Variants in SLC44A5 observed in about 807,000 individuals in gnomAD.
SLC44A5 encodes solute carrier family 44 member 5, also known as choline transporter-like protein 5.
SLC44A5 carries 57 observed loss-of-function variants against 101.8 expected under a neutral mutation model. The ratio of observed to expected loss-of-function variants is 0.56; its 90% confidence interval spans 0.45 to 0.70. The LOEUF is 0.70. Ranked by LOEUF, SLC44A5 falls within the 30% of genes least tolerant of loss-of-function variation. The probability of loss-of-function intolerance (pLI) is 0.00; values close to 1 mark genes in which losing one functional copy is unlikely to be tolerated. For synonymous variants in SLC44A5, 281 were observed against 290.9 expected, an observed-to-expected ratio of 0.97 and a Z score of 0.35; for missense variants, 737 against 853.1, an observed-to-expected ratio of 0.86 and a Z score of 1.70.
intron 3 of SLC44A5, among the ~76,000 whole-genome samples, chr1:75,394,235 G>C (rs1018137238): frequency 2.0e-5 from 3 of 152,092 alleles, no homozygotes; most frequent in African/African-American, 4.8e-5. Flanking sequence ...TGCTGAGAGA[G>C]AGTAAGGTGA....
At chr1:75,454,510 C>T (rs1196714233) in intron 2 of SLC44A5, among the ~76,000 whole-genome samples, 1 of 152,002 alleles carries the variant, frequency 6.6e-6, no homozygotes, top group Non-Finnish European at 1.5e-5. Flanking sequence ...CCCACTTTTA[C>T]CACTCCTAGT....
At chr1:75,395,847 C>T (rs1318542695) in intron 3 of SLC44A5, among the ~76,000 whole-genome samples, 15 of 152,076 alleles carry the variant, frequency 9.9e-5, no homozygotes, top group Admixed American at 6.6e-5. Flanking sequence ...TTAACATTCT[C>T]ACCACATATA....
At chr1:75,675,501 G>A in the SLC44A5 span, among the ~76,000 whole-genome samples, 1 of 152,092 alleles carries the variant, frequency 6.6e-6, no homozygotes. Context: ...ATCAGCTTAA[G>A]AAGCTTTTGG....
intron 1 of SLC44A5, among the ~76,000 whole-genome samples, chr1:75,578,094 A>G (rs913738419): frequency 6.6e-6 from 1 of 152,138 alleles, no homozygotes; most frequent in African/African-American, 2.4e-5. Flanking sequence ...CTAGTTTTTA[A>G]TAGCTTTTAA....
chr1:75,664,343 A>C, the SLC44A5 span, among the ~76,000 whole-genome samples: 2 of 152,216 alleles, frequency 1.3e-5, no homozygotes, highest in African/African-American at 4.8e-5. Context: ...AATAAAAGGC[A>C]TCTAAATAGG....
intron 23 of SLC44A5, among the ~76,000 whole-genome samples, chr1:75,207,515 C>A (rs971539296): frequency 2.0e-5 from 3 of 152,090 alleles, no homozygotes; most frequent in Non-Finnish European, 4.4e-5. Context: ...TTAAGCCTCC[C>A]GCAGATATAT....
At chr1:75,700,653 G>A in the SLC44A5 span, among the ~76,000 whole-genome samples, 35 of 152,228 alleles carry the variant, frequency 2.3e-4, no homozygotes, top group African/African-American at 7.5e-4. Context: ...AAATATCTAA[G>A]ATCAGAGGAG....
intron 2 of SLC44A5, among the ~76,000 whole-genome samples, chr1:75,441,611 A>G (rs1239930434): frequency 1.3e-5 from 2 of 152,052 alleles, no homozygotes; most frequent in Non-Finnish European, 2.9e-5. Flanking sequence ...AAAATATATT[A>G]CCCAATTACA....
chr1:75,643,744 T>C, the SLC44A5 span, among the ~76,000 whole-genome samples: 3 of 152,256 alleles, frequency 2.0e-5, no homozygotes, highest in African/African-American at 7.2e-5. Context: ...AGACATGGTT[T>C]TGCTTTTCCT....
the SLC44A5 span, among the ~76,000 whole-genome samples, chr1:75,718,706 A>G: frequency 6.6e-6 from 1 of 152,192 alleles, no homozygotes; most frequent in South Asian, 2.1e-4. Flanking sequence ...TGGATACCAT[A>G]GTACCTGACA....
At chr1:75,684,494 A>G in the SLC44A5 span, among the ~76,000 whole-genome samples, 2,384 of 152,274 alleles carry the variant, frequency 0.016, 69 homozygotes, top group African/African-American at 0.053. Flanking sequence ...CCTAGATACA[A>G]TGGGGATACA....
At chr1:75,401,527 G>A (rs1472937089) in intron 2 of SLC44A5, among the ~76,000 whole-genome samples, 5 of 152,152 alleles carry the variant, frequency 3.3e-5, no homozygotes, top group Non-Finnish European at 7.3e-5. Flanking sequence ...AGGCAAGCAT[G>A]GCCAGAGATC....
intron 2 of SLC44A5, among the ~76,000 whole-genome samples, chr1:75,423,813 T>C (rs537411254): frequency 1.8e-4 from 27 of 152,280 alleles, no homozygotes; most frequent in African/African-American, 6.3e-4. Context: ...ACCCATTAAG[T>C]TGAAATTTTG....
At chr1:75,293,869 A>G (rs1290545600) in intron 5 of SLC44A5, among the ~76,000 whole-genome samples, 2 of 152,238 alleles carry the variant, frequency 1.3e-5, no homozygotes, top group African/African-American at 4.8e-5. Flanking sequence ...CTGCTCAAGT[A>G]ACAGTGAAAA....
intron 23 of SLC44A5, chr1:75,205,574 C>CAG (rs758603037): frequency 6.6e-6 from 1 of 152,156 alleles, no homozygotes; most frequent in Non-Finnish European, 1.5e-5. Flanking sequence ...CTAAGCCCTG[C>CAG]AGAGAGAGAG....
In SLC44A5 at chr1:75,348,162, TTC is replaced by T. The variant is rs147599378; in HGVS notation, c.53-8534_53-8533del. Among the ~76,000 whole-genome samples, 270 of 148,754 alleles carry T rather than the reference TTC, an allele frequency of 1.8e-3. 3 individuals are homozygous for T. Among genetic ancestry groups the T allele is most frequent in the African/African-American group, 4.4e-3 (181 of 40,966 alleles). ...CTCTCTCTCTCTCCTCTCTCTCTCT[TTC>T]TCTCTCTCTCTCTCTGTCAAAGCAA... is the stretch of plus-strand genomic sequence containing the variant. On this transcript the variant is annotated intron_variant, in intron 3 of 23. Transcript: ENST00000370859.
intron 2 of SLC44A5, among the ~76,000 whole-genome samples, chr1:75,513,021 G>T (rs1570489759): frequency 6.6e-6 from 1 of 152,216 alleles, no homozygotes; most frequent in African/African-American, 2.4e-5. Flanking sequence ...GATACTGTTA[G>T]GTTCATTTCA....
Position 75,203,755 on chromosome 1 carries a change from T to A in SLC44A5, c.2126A>T (p.Glu709Val). The change falls in exon 24 of 24, where the codon GAG becomes GTG. Residue 709 changes from glutamate to valine, a missense_variant. By Grantham distance (121) the Glu-to-Val change is moderately radical. Around this residue, in one of 3 missense-constraint regions of SLC44A5, gnomAD observed 61 missense variants for 56.5 expected, o/e 1.08. Transcript: ENST00000370859. ...VSQPLLKIFQ[E>V]ENPQTRKQ ...CTGCTTCCTAGTTTGTGGATTTTCC[T>A]CCTGGAAAATCTTCAGCAAAGGTTG... 3 of 1,549,384 alleles carry A rather than the reference T, an allele frequency of 1.9e-6. No homozygotes were observed. The highest frequency in any genetic ancestry group is 2.6e-6 in the Non-Finnish European group (3 of 1,145,988).
chr1:75,482,265 T>G (rs1171855735), intron 2 of SLC44A5, among the ~76,000 whole-genome samples: 1 of 147,800 alleles, frequency 6.8e-6, no homozygotes, highest in Admixed American at 6.8e-5. Flanking sequence ...CTCTAGGGAC[T>G]GTTGTGGGGT....
Sources: allele counts gnomAD v4.1 joint callset (sites outside exome capture counted in the v4.1 genomes callset), GRCh38; gene constraint gnomAD v4.1.1; regional missense constraint gnomAD v4.1.1; transcripts MANE v1.5; gene names NCBI Gene and HGNC (gene_info 2026-07-23, HGNC 2026-07-21).